Variants in TMEM181 observed in about 807,000 individuals in gnomAD.
The protein encoded by TMEM181 is G protein-coupled receptor 178.
A neutral mutation model predicts 71.9 loss-of-function variants in TMEM181; 39 were observed. The ratio of observed to expected loss-of-function variants is 0.54; its 90% CI spans 0.42 to 0.71. The LOEUF is 0.71. Among genes scored for constraint, TMEM181 ranks in the 30% least tolerant of loss-of-function variants. The pLI, the probability that TMEM181 is intolerant of heterozygous loss-of-function variation, is 0.00. For missense variants in TMEM181, 595 were observed against 583.0 expected (o/e 1.02, Z -0.21); for synonymous variants, 245 against 228.8 (o/e 1.07, Z -0.64).
intron 10 of TMEM181, among the ~76,000 whole-genome samples, chr6:158,616,639 A>G (rs956028058): frequency 1.3e-5 from 2 of 152,120 alleles, no homozygotes; most frequent in African/African-American, 2.4e-5. Flanking sequence ...AATAGCTCTT[A>G]TTATTTTGAG....
At chr6:158,609,012 C>T (rs949931502) in intron 10 of TMEM181, among the ~76,000 whole-genome samples, 16 of 151,880 alleles carry the variant, frequency 1.1e-4, no homozygotes, top group African/African-American at 3.6e-4. Context: ...GTGGGAGGAT[C>T]GCTTGAGCCT....
In TMEM181 at chr6:158,625,057, T is replaced by C. The variant is rs959250287; in HGVS notation, c.955-47T>C. On this transcript the variant is annotated intron_variant, in intron 11 of 16. Coordinates refer to ENST00000684151, the MANE Select transcript of TMEM181 (RefSeq NM_001376852.1). ...CTGTGGTGGTGCTGGGAGGAGAAGGTCACAGAGGCCCTGTTCCGACTCAAG... is the reference window on the plus strand; with the variant it reads ...CTGTGGTGGTGCTGGGAGGAGAAGGCCACAGAGGCCCTGTTCCGACTCAAG... The C allele has an allele frequency of 2.1e-6, 3 of 1,456,940 alleles. No homozygotes were observed. The African/African-American group carries it at 4.2e-5, about 20-fold the overall frequency. The allele number at this position is 1,456,940 out of a possible 1,614,324, so 90.3% of individuals were successfully genotyped here. A position where few individuals can be genotyped will look rare whatever the true frequency, so the allele number is the denominator to read the frequency against.
At chr6:158,566,539 T>G in intron 1 of TMEM181, among the ~76,000 whole-genome samples, 1 of 80,092 alleles carries the variant, frequency 1.2e-5, no homozygotes, top group African/African-American at 5.4e-5. Context: ...AGGGAGGTGA[T>G]GGGGTGGAGG....
intron 5 of TMEM181, 38 bp from the exon 6 acceptor site, chr6:158,589,634 C>T (rs751902950): frequency 2.3e-5 from 35 of 1,535,276 alleles, no homozygotes; most frequent in Admixed American, 8.4e-5. Flanking sequence ...GCGTGAGTCT[C>T]GCTTTCTTTA....
chr6:158,629,828 C>A lies in TMEM181; in HGVS notation c.1282+9C>A. Reference sequence around the variant, plus strand: ...GAAGAATGCCCTCTATGGTAAGCCACCCTGGGGTCTGGACTGCTGGCCAGT... The same window carrying A: ...GAAGAATGCCCTCTATGGTAAGCCAACCTGGGGTCTGGACTGCTGGCCAGT... On this transcript the variant is annotated intron_variant, in intron 15 of 16. Transcript: ENST00000684151. 6.2e-7 allele frequency: 1 copy of A among 1,611,638 alleles called. No individual in the cohort carries two copies. The highest frequency in any genetic ancestry group is 1.3e-5 in the African/African-American group (1 of 75,012).
At chr6:158,570,233 CTTTTTTTTT>C (rs542922209) in intron 1 of TMEM181, among the ~76,000 whole-genome samples, 1 of 136,726 alleles carries the variant, frequency 7.3e-6, no homozygotes, top group Non-Finnish European at 1.6e-5. Context: ...TTTCCGTACA[CTTTTTTTTT>C]TTTTTTTTGA....
chr6:158,581,957 A>G (rs1783508028), intron 3 of TMEM181, among the ~76,000 whole-genome samples: 1 of 152,062 alleles, frequency 6.6e-6, no homozygotes, highest in Non-Finnish European at 1.5e-5. Flanking sequence ...ACCATGATAT[A>G]TATAGTTTAA....
chr6:158,548,539 G>T (rs566132024), intron 1 of TMEM181, among the ~76,000 whole-genome samples: 1 of 152,298 alleles, frequency 6.6e-6, no homozygotes, highest in East Asian at 1.9e-4. Flanking sequence ...AGCTGCTCTG[G>T]CCAGGTGGCA....
At chr6:158,626,662 G>A in intron 13 of TMEM181, 1 of 457,316 alleles carries the variant, frequency 2.2e-6, no homozygotes, top group Non-Finnish European at 4.4e-6. Flanking sequence ...AAGTCACTCA[G>A]AATAATGCTG....
In TMEM181 at chr6:158,575,427, C is replaced by G. The variant is rs563213901; in HGVS notation, c.112+1904C>G. Among the ~76,000 whole-genome samples the G allele has an allele frequency of 2.3e-4, 35 of 152,050 alleles. No individual in the cohort carries two copies. The South Asian group carries it at 7.3e-3, about 32-fold the overall frequency. ...CACTGCAACCTCTTCCTCCCCAGTT[C>G]AAATGATTCTCCAGTAGCTGGGATT... On this transcript the variant is annotated intron_variant, in intron 2 of 16. Transcript: ENST00000684151.
intron 1 of TMEM181, 124 bp downstream of exon 1, chr6:158,560,356 G>T (rs937800757): frequency 1.0e-6 from 1 of 977,170 alleles, no homozygotes; most frequent in Non-Finnish European, 1.2e-6. Flanking sequence ...CTGGGGGCAG[G>T]GAAAAGGGCG....
chr6:158,544,182 A>AGAGAGAGAGAGTGTGTGTGTGTGTGTGT lies in TMEM181; in HGVS notation c.131+7318_131+7319insAGAGAGAGAGTGTGTGTGTGTGTGTGTG, dbSNP rs149735409. 1.1e-3 allele frequency among the ~76,000 whole-genome samples: 140 copies of AGAGAGAGAGAGTGTGTGTGTGTGTGTGT among 127,636 alleles called. 1 individual carries two copies. Among genetic ancestry groups the AGAGAGAGAGAGTGTGTGTGTGTGTGTGT allele is most frequent in the Non-Finnish European group, 1.9e-3 (115 of 60,130 alleles). The allele number at this position is 127,636 out of a possible 152,430, so 83.7% of individuals were successfully genotyped here. ...GGTTTCTCAGGTGCAAATTGGAGAG[A>AGAGAGAGAGAGTGTGTGTGTGTGTGTGT]GTGTGTGTGTGTGTGTGTGTGTGTG... On this transcript the variant is annotated intron_variant, in intron 1 of 16. Transcript: ENST00000367090.
chr6:158,552,672 T>C (rs11970245), intron 1 of TMEM181, among the ~76,000 whole-genome samples: 3,946 of 152,238 alleles, frequency 0.026, 172 homozygotes, highest in African/African-American at 0.089. Context: ...GAGAGAGTTA[T>C]CGTCTCAGCC....
At chr6:158,580,628 G>C (rs1258257090) in intron 2 of TMEM181, among the ~76,000 whole-genome samples, 1 of 152,138 alleles carries the variant, frequency 6.6e-6, no homozygotes, top group Non-Finnish European at 1.5e-5. Context: ...ATGCCTTCTT[G>C]GGCCCATGCA....
intron 1 of TMEM181, among the ~76,000 whole-genome samples, chr6:158,568,324 G>T (rs969261406): frequency 3.3e-5 from 5 of 152,086 alleles, no homozygotes; most frequent in African/African-American, 1.2e-4. Flanking sequence ...GTGTTGGGCA[G>T]CGCTGCTTCA....
At chr6:158,624,434 G>A (rs545474407) in intron 11 of TMEM181, among the ~76,000 whole-genome samples, 1 of 152,364 alleles carries the variant, frequency 6.6e-6, no homozygotes, top group East Asian at 1.9e-4. Context: ...AAGGGGTGGG[G>A]GGATGGCGTG....
In TMEM181 at chr6:158,584,077, A is replaced by G. The variant is rs1216561270; in HGVS notation, c.259+33A>G. On this transcript the variant is annotated intron_variant, in intron 4 of 16. Transcript: ENST00000684151. ...GCTTGACATTTTGGAATGATTTTTCATTATACGAAGAAACATCGTATTTTA... is the reference window on the plus strand; with the variant it reads ...GCTTGACATTTTGGAATGATTTTTCGTTATACGAAGAAACATCGTATTTTA... 3.2e-6 allele frequency: 5 copies of G among 1,546,424 alleles called. No individual in the cohort carries two copies. The Admixed American group carries it at 7.6e-5, about 24-fold the overall frequency.
intron 1 of TMEM181, among the ~76,000 whole-genome samples, chr6:158,546,527 G>A (rs1781531028): frequency 6.6e-6 from 1 of 152,144 alleles, no homozygotes; most frequent in African/African-American, 2.4e-5. Flanking sequence ...GGAAGGAGTT[G>A]GAGCTGAAAC....
At chr6:158,571,883 TC>T (rs1394221936) in intron 1 of TMEM181, among the ~76,000 whole-genome samples, 1 of 152,202 alleles carries the variant, frequency 6.6e-6, no homozygotes, top group Non-Finnish European at 1.5e-5. Context: ...TTGAGTTTGC[TC>T]CCTGAGGTCA....
Sources: gnomAD v4.1 joint callset for allele counts (sites outside exome capture counted in the v4.1 genomes callset) on GRCh38, gnomAD v4.1.1 for gene constraint, MANE v1.5 for transcripts, NCBI Gene and HGNC (gene_info 2026-07-23, HGNC 2026-07-21) for gene names.